The following WRAP53 variants were observed in gnomAD, a reference collection of about 807,000 sequenced individuals.
The protein encoded by WRAP53 is WD repeat containing antisense to TP53.
WRAP53 carries 28 observed loss-of-function variants against 56.6 expected under a neutral mutation model. That is an observed-to-expected ratio of 0.50 (90% CI 0.37 to 0.68). The LOEUF (loss-of-function observed/expected upper bound fraction) is 0.68. WRAP53 is among the 30% of genes least tolerant of loss of function. WRAP53 has a pLI of 0.00. For synonymous variants in WRAP53, 283 were observed against 283.4 expected (o/e 1.00, Z 0.01); for missense variants, 671 against 715.5 (o/e 0.94, Z 0.71).
rs755455059 is a variant in WRAP53 at position 7,703,465 on chromosome 17, A to G, written c.1626A>G (p.Gly542=). 3.1e-6 allele frequency: 5 copies of G among 1,606,104 alleles called. No homozygotes were observed. In the East Asian group the frequency reaches 1.1e-4, roughly 36 times the overall value. The part of the protein sequence containing the change: ...QGEKGQGGTE[G]GVGELI ...AGAAAGGGCAGGGAGGAACGGAGGG[A>G]GGTGTGGGTGAGCTGATATAAAAAG... is the stretch of plus-strand genomic sequence containing the variant. Residue 542 remains glycine, a synonymous_variant, in exon 11 of 11, where the codon GGA becomes GGG. Transcript: ENST00000396463.
In WRAP53 at chr17:7,689,719, C is replaced by G. The variant is rs770340314; in HGVS notation, c.642+18C>G. The G allele has an allele frequency of 2.5e-6, 4 of 1,584,928 alleles. No homozygotes were observed. Among genetic ancestry groups the G allele is most frequent in the Non-Finnish European group, 3.5e-6 (4 of 1,153,784 alleles). ...CAGAAATGGTAAGGACTGGGGCTAA[C>G]TGCCTCTTCATCAATGCTGCACATT... On this transcript the variant is annotated intron_variant, in intron 4 of 10. Coordinates refer to ENST00000396463, the MANE Select transcript of WRAP53 (RefSeq NM_001143992.2).
rs1242578854 is a variant in WRAP53, at chr17:7,699,524, A to T, written c.643-1217A>T. On this transcript the variant is annotated intron_variant, in intron 4 of 10. Coordinates refer to ENST00000396463, the MANE Select transcript of WRAP53 (RefSeq NM_001143992.2). ...TATTTATATATATATATATATATTT[A>T]TATATATATATATATTCCTAAGGAA... is the stretch of plus-strand genomic sequence containing the variant. Among the ~76,000 whole-genome samples the T allele has an allele frequency of 1.2e-3, 64 of 55,176 alleles. 5 individuals are homozygous for T. Among genetic ancestry groups the T allele is most frequent in the South Asian group, 2.5e-3 (4 of 1,608 alleles). The allele number at this position is 55,176 out of a possible 152,430, so 36.2% of individuals were successfully genotyped here.
intron 4 of WRAP53, among the ~76,000 whole-genome samples, chr17:7,692,048 G>GT (rs1567573274): frequency 1.3e-5 from 2 of 151,122 alleles, no homozygotes; most frequent in African/African-American, 2.4e-5. Context: ...CATCATATTG[G>GT]CCAGGCTGGT....
intron 4 of WRAP53, among the ~76,000 whole-genome samples, chr17:7,694,810 A>C (rs897112177): frequency 5.3e-5 from 8 of 150,546 alleles, no homozygotes. Context: ...CCTGGGCGAC[A>C]GAGTGAGACT....
At chr17:7,694,500 C>T (rs1024336335) in intron 4 of WRAP53, among the ~76,000 whole-genome samples, 1 of 152,172 alleles carries the variant, frequency 6.6e-6, no homozygotes, top group Non-Finnish European at 1.5e-5. Flanking sequence ...ATTTCCGCCT[C>T]CTAAAGTGCT....
intron 4 of WRAP53, among the ~76,000 whole-genome samples, chr17:7,691,175 C>T (rs575839933): frequency 2.6e-5 from 4 of 151,794 alleles, no homozygotes; most frequent in Admixed American, 6.6e-5. Context: ...TGTCACTGCA[C>T]TCCAGCCTGG....
intron 4 of WRAP53, among the ~76,000 whole-genome samples, chr17:7,694,319 C>T (rs1468639544): frequency 6.8e-6 from 1 of 147,042 alleles, no homozygotes; most frequent in African/African-American, 2.6e-5. Flanking sequence ...TCTTGCCTCA[C>T]TGCAACCTCT....
At chr17:7,693,184 C>T (rs11870324) in intron 4 of WRAP53, among the ~76,000 whole-genome samples, 21 of 147,378 alleles carry the variant, frequency 1.4e-4, no homozygotes, top group African/African-American at 4.4e-4. Flanking sequence ...TCTTTTTTTT[C>T]TTTTTTTTGA....
chr17:7,692,936 G>T (rs2074133139), intron 4 of WRAP53, among the ~76,000 whole-genome samples: 1 of 151,356 alleles, frequency 6.6e-6, no homozygotes, highest in South Asian at 2.1e-4. Flanking sequence ...TGTATTTTTA[G>T]TAGAGACGGG....
chr17:7,701,859 A>G lies in WRAP53; in HGVS notation c.955+70A>G. 6.4e-7 allele frequency: 1 copy of G among 1,569,102 alleles called. No individual in the cohort carries two copies. The highest frequency in any genetic ancestry group is 2.4e-5 in the East Asian group (1 of 42,478). On this transcript the variant is annotated intron_variant, in intron 7 of 10. Coordinates refer to ENST00000396463, the MANE Select transcript of WRAP53 (RefSeq NM_001143992.2). The surrounding 1 kb of genome is among the most constrained non-coding windows in gnomAD (Gnocchi z 4.2). The stretch of plus-strand genomic sequence containing the variant: ...GCCACCTGCACAGGGGCCTTTTGTG[A>G]GCCGGGGGCCACCTGTGGGGGTTCA...
At chr17:7,689,449 T>G (rs2074078075) in intron 3 of WRAP53, 127 bp downstream of exon 3, 1 of 1,271,102 alleles carries the variant, frequency 7.9e-7, no homozygotes, top group East Asian at 2.3e-5. Flanking sequence ...AGACTGAGCT[T>G]ACATTTTATC....
At chr17:7,700,671 C>A in intron 4 of WRAP53, 70 bp from the exon 5 acceptor site, 1 of 1,042,448 alleles carries the variant, frequency 9.6e-7, no homozygotes, top group Non-Finnish European at 1.5e-6. Flanking sequence ...TGCCACAACA[C>A]TGCTAGAGGC....
intron 3 of WRAP53, 59 bp from the exon 4 acceptor site, chr17:7,689,531 T>C (rs2074080354): frequency 8.5e-6 from 13 of 1,535,174 alleles, no homozygotes; most frequent in Admixed American, 1.7e-5. Context: ...GGCTCAGCCC[T>C]AGCCCTACAC....
chr17:7,696,085 T>C lies in WRAP53; in HGVS notation c.643-4656T>C, dbSNP rs530294646. On this transcript the variant is annotated intron_variant, in intron 4 of 10. Transcript: ENST00000396463. ...GAGGAACAGGGGCGCCTTGCTTAGC[T>C]GGAGGGGTTAGGGAAGCGTTCCCAG... Among the ~76,000 whole-genome samples the C allele has an allele frequency of 7.0e-4, 106 of 151,994 alleles. 1 individual carries two copies. Among genetic ancestry groups the C allele is most frequent in the African/African-American group, 2.0e-3 (83 of 41,456 alleles).
intron 4 of WRAP53, among the ~76,000 whole-genome samples, chr17:7,699,526 A>ATATATATATT (rs2074246518): frequency 1.6e-4 from 10 of 61,932 alleles, no homozygotes; most frequent in Non-Finnish European, 2.7e-4. Context: ...ATATATTTAT[A>ATATATATATT]TATATATATA....
intron 4 of WRAP53, among the ~76,000 whole-genome samples, chr17:7,697,898 TG>T (rs1305641724): frequency 6.6e-6 from 1 of 151,332 alleles, no homozygotes; most frequent in Non-Finnish European, 1.5e-5. Context: ...GACAGGATCT[TG>T]TTCTGTTGCC....
chr17:7,692,844 C>G (rs1049180471), intron 4 of WRAP53, among the ~76,000 whole-genome samples: 1 of 149,612 alleles, frequency 6.7e-6, no homozygotes, highest in African/African-American at 2.5e-5. Flanking sequence ...CTCTGCCTCC[C>G]GGGATCACGC....
chr17:7,693,261 C>T (rs2074139160), intron 4 of WRAP53, among the ~76,000 whole-genome samples: 3 of 151,804 alleles, frequency 2.0e-5, no homozygotes, highest in South Asian at 2.1e-4. Context: ...GCTCGGTACC[C>T]GCTAGAGGTC....
intron 4 of WRAP53, among the ~76,000 whole-genome samples, chr17:7,691,390 G>GTTTTTTTTTTTTT (rs200960465): frequency 7.1e-6 from 1 of 140,146 alleles, no homozygotes. Context: ...CATGAGAGAG[G>GTTTTTTTTTTTTT]TGTTTTTTTT....
Sources: allele counts gnomAD v4.1 joint callset (sites outside exome capture counted in the v4.1 genomes callset), GRCh38; gene constraint gnomAD v4.1.1; non-coding constraint Gnocchi (gnomAD v3.1); transcripts MANE v1.5; gene names NCBI Gene and HGNC (gene_info 2026-07-23, HGNC 2026-07-21).